The following CDK5RAP2 variants were observed in gnomAD, a reference collection of about 807,000 sequenced individuals.
CDK5RAP2 encodes the protein CDK5 regulatory subunit associated protein 2.
Under a neutral mutation model 232.9 loss-of-function variants are expected in CDK5RAP2, and 147 were observed. That is an observed-to-expected ratio of 0.63 (90% confidence interval 0.55 to 0.72). The LOEUF is 0.72. Ranked by LOEUF, CDK5RAP2 falls within the 30% of genes least tolerant of loss-of-function variation. The pLI, the probability that CDK5RAP2 is intolerant of heterozygous loss-of-function variation, is 0.00. For missense variants in CDK5RAP2, 2,195 were observed against 2,231.5 expected, an observed-to-expected ratio of 0.98 and a Z score of 0.33; for synonymous variants, 833 against 833.7, an observed-to-expected ratio of 1.00 and a Z score of 0.01.
At chr9:120,483,778 T>C (rs2038450192) in intron 14 of CDK5RAP2, among the ~76,000 whole-genome samples, 1 of 152,236 alleles carries the variant, frequency 6.6e-6, no homozygotes, top group South Asian at 2.1e-4. Flanking sequence ...TTTTCTACTT[T>C]ACCATAGTTT....
At chr9:120,453,999 T>A in intron 20 of CDK5RAP2, 126 bp from the exon 21 acceptor site, 1 of 950,308 alleles carries the variant, frequency 1.1e-6, no homozygotes, top group Non-Finnish European at 1.7e-6. Flanking sequence ...ATACAGTGTG[T>A]ACCCACAACG....
intron 12 of CDK5RAP2, among the ~76,000 whole-genome samples, chr9:120,507,743 A>G (rs969502193): frequency 1.3e-5 from 2 of 151,614 alleles, no homozygotes; most frequent in Non-Finnish European, 2.9e-5. Flanking sequence ...GCCTTGATTT[A>G]AAGTTAGTGC....
intron 1 of CDK5RAP2, among the ~76,000 whole-genome samples, chr9:120,576,948 T>C (rs527675381): frequency 5.2e-4 from 79 of 152,182 alleles, no homozygotes; most frequent in Middle Eastern, 3.4e-3. Flanking sequence ...AGGAAAGAAA[T>C]TCTGACACAT....
intron 25 of CDK5RAP2, among the ~76,000 whole-genome samples, chr9:120,424,972 C>T (rs942761832): frequency 2.6e-5 from 4 of 152,176 alleles, no homozygotes; most frequent in Non-Finnish European, 4.4e-5. Flanking sequence ...GCTAGGATTA[C>T]AGGCGTGAGC....
intron 12 of CDK5RAP2, among the ~76,000 whole-genome samples, chr9:120,515,832 C>G (rs1588536482): frequency 6.6e-6 from 1 of 152,180 alleles, no homozygotes; most frequent in East Asian, 1.9e-4. Context: ...CCACCTCACA[C>G]CAGTTAGAAT....
At chr9:120,501,241 C>T (rs567610510) in intron 12 of CDK5RAP2, among the ~76,000 whole-genome samples, 2 of 152,300 alleles carry the variant, frequency 1.3e-5, no homozygotes, top group East Asian at 1.9e-4. Context: ...AAGCCTGCTG[C>T]TCTACCTGGA....
chr9:120,568,508 T>C (rs1239718893), intron 2 of CDK5RAP2, 120 bp from the exon 3 acceptor site: 2 of 788,182 alleles, frequency 2.5e-6, no homozygotes, highest in East Asian at 4.9e-5. Context: ...ACGCGGCTGG[T>C]ACTTGCTGTC....
chr9:120,421,662 A>T (rs943977979), intron 26 of CDK5RAP2, among the ~76,000 whole-genome samples: 12 of 152,208 alleles, frequency 7.9e-5, no homozygotes, highest in Non-Finnish European at 1.5e-4. Flanking sequence ...GGAGGGCAAG[A>T]CCTTGGCATT....
chr9:120,455,369 T>A (rs1411704257), intron 20 of CDK5RAP2, among the ~76,000 whole-genome samples: 1 of 126,566 alleles, frequency 7.9e-6, no homozygotes, highest in Non-Finnish European at 1.6e-5. Context: ...GTACAACACG[T>A]TAAAAAAAAA....
intron 12 of CDK5RAP2, among the ~76,000 whole-genome samples, chr9:120,498,255 TCTCAAA>T (rs1304690111): frequency 1.3e-4 from 20 of 152,132 alleles, no homozygotes; most frequent in African/African-American, 4.3e-4. Flanking sequence ...CCACTTTCTC[TCTCAAA>T]CTGTCTTTTC....
rs891654198 is a variant in CDK5RAP2 at position 120,409,288 on chromosome 9, T to G, written c.4443A>C (p.Arg1481=). ...RDKQKENDKL[R]ESLSRKTVSL... ...TCACGGTCTTCCTGGAGAGGGACTC[T>G]CGTAATTTGTCATTCTCCTTCTGTT... is the stretch of plus-strand genomic sequence containing the variant. Residue 1481 remains arginine (R), a synonymous_variant, in exon 30 of 38, where the codon CGA becomes CGC. Transcript: ENST00000349780. The G allele has an allele frequency of 1.9e-6, 3 of 1,606,964 alleles. No individual in the cohort carries two copies. The African/African-American group carries it at 4.0e-5, about 21-fold the overall frequency.
chr9:120,434,729 G>A (rs2035475656), intron 25 of CDK5RAP2, among the ~76,000 whole-genome samples: 1 of 152,184 alleles, frequency 6.6e-6, no homozygotes, highest in East Asian at 1.9e-4. Context: ...TGGAAGCCAA[G>A]TCAGCCAAGG....
rs1564214046 is a variant in CDK5RAP2 at position 120,437,480 on chromosome 9, CG to C, written c.3769del (p.Arg1257GlyfsTer18). 6.2e-7 allele frequency: 1 copy of C among 1,614,064 alleles called. No individual in the cohort carries two copies. On this transcript the variant is annotated frameshift_variant, in exon 25 of 38. Transcript: ENST00000349780. LOFTEE classifies it high-confidence loss of function. Reference protein sequence around the residue: ...QSQARELSLQRQQIKDGHGIC... With the variant: ...QSQARELSLQXQQIKDGHGIC... ...GCCATGGCCATCCTTAATCTGCTGC[CG>C]TTGAAGGGAGAGCTCCCTGGCTTGG...
At chr9:120,499,444 T>C (rs1281881960) in intron 12 of CDK5RAP2, among the ~76,000 whole-genome samples, 1 of 152,158 alleles carries the variant, frequency 6.6e-6, no homozygotes, top group East Asian at 1.9e-4. Flanking sequence ...AACACATGAT[T>C]ATAGATGATT....
At chr9:120,566,897 T>C (rs960280767) in intron 3 of CDK5RAP2, among the ~76,000 whole-genome samples, 1 of 152,194 alleles carries the variant, frequency 6.6e-6, no homozygotes, top group African/African-American at 2.4e-5. Context: ...AATAAGCAGA[T>C]AAAAGATGTG....
At chr9:120,425,668 C>G (rs1169795441) in intron 25 of CDK5RAP2, among the ~76,000 whole-genome samples, 1 of 152,230 alleles carries the variant, frequency 6.6e-6, no homozygotes, top group South Asian at 2.1e-4. Context: ...TACTTCCGAG[C>G]TCAAAATCCA....
chr9:120,408,593 A>G lies in CDK5RAP2; in HGVS notation c.4605-125T>C, dbSNP rs979942015. On this transcript the variant is annotated intron_variant, in intron 30 of 37. Transcript: ENST00000349780. ...GAGTGTGGACCAAGAAGTGACAAGCATGGTTAAGAATTCCATGTGCTCTCT... is the reference window on the plus strand; with the variant it reads ...GAGTGTGGACCAAGAAGTGACAAGCGTGGTTAAGAATTCCATGTGCTCTCT... The G allele has an allele frequency of 6.9e-6, 7 of 1,018,270 alleles. No individual in the cohort carries two copies. In the Admixed American group the frequency reaches 1.2e-4, roughly 17 times the overall value. The allele number at this position is 1,018,270 out of a possible 1,614,324, so 63.1% of individuals were successfully genotyped here. A position where few individuals can be genotyped will look rare whatever the true frequency, so the allele number is the denominator to read the frequency against.
intron 29 of CDK5RAP2, among the ~76,000 whole-genome samples, chr9:120,409,883 T>G (rs1487922982): frequency 6.6e-6 from 1 of 152,246 alleles, no homozygotes; most frequent in Non-Finnish European, 1.5e-5. Flanking sequence ...GGCTCTTCAC[T>G]TCTCCACGCC....
At position 120,402,856 on chromosome 9, in the gene CDK5RAP2, T is replaced by C. The variant is rs545646890; in HGVS notation, c.5257A>G (p.Ile1753Val). ...GAGCTGGGAGCCTCTTGGGTTTGAATGTCCATTTCAGCAAGGAGCCTCTGT... is the reference window on the plus strand; with the variant it reads ...GAGCTGGGAGCCTCTTGGGTTTGAACGTCCATTTCAGCAAGGAGCCTCTGT... Reference protein sequence around the residue: ...QGQRLLAEMDIQTQEAPSSTS... With the variant: ...QGQRLLAEMDVQTQEAPSSTS... Residue 1753 changes from isoleucine (I) to valine (V), a missense_variant, in exon 34 of 38, where the codon ATT becomes GTT. By Grantham distance (29) the Ile-to-Val change is conservative (BLOSUM62 3). Coordinates refer to ENST00000349780, the MANE Select transcript of CDK5RAP2 (RefSeq NM_018249.6). 18 of 1,614,174 alleles carry C rather than the reference T, an allele frequency of 1.1e-5. No homozygotes were observed. In the East Asian group the frequency reaches 3.3e-4, roughly 30 times the overall value.
Sources: gnomAD v4.1 joint callset for allele counts (sites outside exome capture counted in the v4.1 genomes callset) on GRCh38, gnomAD v4.1.1 for gene constraint, MANE v1.5 for transcripts, NCBI Gene and HGNC (gene_info 2026-07-23, HGNC 2026-07-21) for gene names.